The following ERO1B variants were observed in gnomAD, a reference collection of about 807,000 sequenced individuals.
The protein encoded by ERO1B is ERO1-like protein beta.
In ERO1B, 49 loss-of-function variants were observed where a neutral mutation model predicts 75.3. The observed-to-expected ratio is 0.65, with a 90% CI of 0.52 to 0.83. The LOEUF (loss-of-function observed/expected upper bound fraction) is 0.83, where lower values mean the gene tolerates loss of function less well. ERO1B is among the 40% of genes least tolerant of loss of function. The pLI is 0.00. For missense variants in ERO1B, 512 were observed against 560.1 expected (o/e 0.91, Z 0.87); for synonymous variants, 191 against 192.9 (o/e 0.99, Z 0.08).
intron 14 of ERO1B, 106 bp from the exon 15 acceptor site, chr1:236,221,071 T>C: frequency 1.2e-6 from 1 of 837,548 alleles, no homozygotes; most frequent in Non-Finnish European, 1.7e-6. Context: ...GAAATTCATA[T>C]GAACTGAGCT....
chr1:236,243,438 G>C lies in ERO1B; in HGVS notation c.489C>G (p.His163Gln). The C allele has an allele frequency of 1.2e-6, 2 of 1,602,212 alleles. No homozygotes were observed. Among genetic ancestry groups the C allele is most frequent in the Non-Finnish European group, 1.7e-6 (2 of 1,173,212 alleles). Residue 163 changes from histidine to glutamine, a missense_variant, in exon 6 of 16, where the codon CAC becomes CAG. By Grantham distance (24) the His-to-Gln change is conservative (BLOSUM62 0). Transcript: ENST00000354619. ...TTGTATTACCATCAAGTTCACAAAA[G>C]TGATCCCGTGAATCATCATATCTTG... The part of the protein sequence containing the change: ...DWARYDDSRD[H>Q]FCELDDERSP...
intron 1 of ERO1B, among the ~76,000 whole-genome samples, chr1:236,271,950 T>G (rs1268977104): frequency 6.6e-6 from 1 of 152,154 alleles, no homozygotes; most frequent in East Asian, 1.9e-4. Context: ...AAAGTTGCCA[T>G]GTACATATTT....
intron 9 of ERO1B, among the ~76,000 whole-genome samples, chr1:236,230,688 T>C (rs962295041): frequency 1.5e-5 from 2 of 134,448 alleles, no homozygotes; most frequent in Admixed American, 7.5e-5. Context: ...TCAGGTAAAA[T>C]AGAAAAATAA....
intron 10 of ERO1B, among the ~76,000 whole-genome samples, chr1:236,228,494 C>T (rs3768095): frequency 0.068 from 10,397 of 152,194 alleles, 749 homozygotes; most frequent in East Asian, 0.39. Flanking sequence ...TCTGAAGTGA[C>T]ATCTGCAAAA....
intron 1 of ERO1B, among the ~76,000 whole-genome samples, chr1:236,271,116 A>G (rs887116441): frequency 2.0e-5 from 3 of 152,210 alleles, no homozygotes; most frequent in Admixed American, 2.0e-4. Flanking sequence ...CTACATGTTT[A>G]CAGGATGTTA....
At chr1:236,225,033 T>G (rs755367062) in intron 13 of ERO1B, 37 bp downstream of exon 13, 46 of 1,591,708 alleles carry the variant, frequency 2.9e-5, no homozygotes, top group Middle Eastern at 1.7e-4. Flanking sequence ...ACCAGCAAAC[T>G]GCTCCCAACC....
Position 236,220,726 on chromosome 1 carries a change from T to A in ERO1B, c.1343+106A>T, listed in dbSNP as rs980644063. ...TTAGTACAGATACAATATAAAATTT[T>A]TTTTTGTCAACAAAACAAACCCTAC... is the stretch of plus-strand genomic sequence containing the variant. On this transcript the variant is annotated intron_variant, in intron 15 of 15. Coordinates refer to ENST00000354619, the MANE Select transcript of ERO1B (RefSeq NM_019891.4). 5 of 1,251,556 alleles carry A rather than the reference T, an allele frequency of 4.0e-6. No homozygotes were observed. The African/African-American group carries it at 7.7e-5, about 19-fold the overall frequency. 77.5% of individuals were successfully genotyped at this position (1,251,556 alleles called of 1,614,324 possible). A position where few individuals can be genotyped will look rare whatever the true frequency, so the allele number is the denominator to read the frequency against.
At chr1:236,230,283 A>G (rs773176480) in intron 9 of ERO1B, 33 bp from the exon 10 acceptor site, 5 of 1,537,094 alleles carry the variant, frequency 3.3e-6, no homozygotes, top group Non-Finnish European at 2.7e-6. Context: ...TTAAAACATT[A>G]TATGGTCATT....
Position 236,269,937 on chromosome 1 carries a change from T to C in ERO1B, c.160A>G (p.Thr54Ala), listed in dbSNP as rs1156565071. Residue 54 changes from threonine (T) to alanine (A), a missense_variant, in exon 2 of 16, where the codon ACC becomes GCC. By Grantham distance (58) the Thr-to-Ala change is moderately conservative. Transcript: ENST00000354619. ...CDIDSIDNFN[T>A]YKIFPKIKKL... ...TTTATTTTGGGGAAGATTTTGTAGG[T>C]ATTGAAGTTATCGATGCTGTCAATA... 1.2e-6 allele frequency: 2 copies of C among 1,604,446 alleles called. No homozygotes were observed.
chr1:236,268,122 AC>A (rs1386893351), intron 2 of ERO1B, among the ~76,000 whole-genome samples: 1 of 152,210 alleles, frequency 6.6e-6, no homozygotes, highest in Non-Finnish European at 1.5e-5. Flanking sequence ...AACATACATC[AC>A]CTTTTTTGGA....
chr1:236,216,580 A>G lies in ERO1B; in HGVS notation c.*1936T>C, dbSNP rs1313373039. The stretch of plus-strand genomic sequence containing the variant: ...CTTTTAATTTCCTAGAACATACTCT[A>G]ATATACTAGTTTTCCTAAGCTTGAA... On this transcript the variant is annotated 3_prime_UTR_variant, in exon 16 of 16. Coordinates refer to ENST00000354619, the MANE Select transcript of ERO1B (RefSeq NM_019891.4). The G allele has an allele frequency of 6.6e-6, 1 of 152,122 alleles. No homozygotes were observed. Among genetic ancestry groups the G allele is most frequent in the Non-Finnish European group, 1.5e-5 (1 of 67,980 alleles). The allele number at this position is 152,122 out of a possible 1,614,324, so 9.4% of individuals were successfully genotyped here.
chr1:236,253,339 T>C (rs1665084054), intron 3 of ERO1B, 83 bp downstream of exon 3: 1 of 795,576 alleles, frequency 1.3e-6, no homozygotes, highest in Non-Finnish European at 2.1e-6. Context: ...TCCATTGACA[T>C]TAGCCTGAAA....
chr1:236,239,315 C>T (rs1664623812), intron 6 of ERO1B, among the ~76,000 whole-genome samples: 1 of 152,144 alleles, frequency 6.6e-6, no homozygotes, highest in South Asian at 2.1e-4. Flanking sequence ...GGAACACAGC[C>T]ATGTTCATTT....
At chr1:236,268,337 G>A (rs1169947507) in intron 2 of ERO1B, among the ~76,000 whole-genome samples, 1 of 152,148 alleles carries the variant, frequency 6.6e-6, no homozygotes, top group Non-Finnish European at 1.5e-5. Flanking sequence ...CTACTCGGGA[G>A]GCTGAGGCAG....
rs1447584195 is a variant in ERO1B at position 236,217,271 on chromosome 1, TCTG to T, written c.*1242_*1244del. 1 of 152,112 alleles carries T rather than the reference TCTG, an allele frequency of 6.6e-6. No homozygotes were observed. The highest frequency in any genetic ancestry group is 1.5e-5 in the Non-Finnish European group (1 of 67,978). The allele number at this position is 152,112 out of a possible 1,614,324, so 9.4% of individuals were successfully genotyped here. On this transcript the variant is annotated 3_prime_UTR_variant, in exon 16 of 16. Transcript: ENST00000354619. ...CACAGATGCAATCTTCCAAATTGTATCTGCTGACATTTAAAAAAAATCAAGATT... is the reference window on the plus strand; with the variant it reads ...CACAGATGCAATCTTCCAAATTGTATCTGACATTTAAAAAAAATCAAGATT...
rs558966432 is a variant in ERO1B, at chr1:236,236,576, A to C, written c.506-178T>G. ...TGACTGTACTTGATGCAAGATTTGT[A>C]ATAACTTGGACAAATTCCTTAAGAG... On this transcript the variant is annotated intron_variant, in intron 6 of 15. Transcript: ENST00000354619. Among the ~76,000 whole-genome samples, 6 of 152,092 alleles carry C rather than the reference A, an allele frequency of 3.9e-5. No homozygotes were observed. The South Asian group carries it at 8.3e-4, about 21-fold the overall frequency.
At chr1:236,275,344 T>C (rs1427323973) in intron 1 of ERO1B, among the ~76,000 whole-genome samples, 1 of 152,230 alleles carries the variant, frequency 6.6e-6, no homozygotes, top group Non-Finnish European at 1.5e-5. Flanking sequence ...GCAGGTTTGA[T>C]AATTTGCCAG....
At chr1:236,260,258 T>C (rs1419793353) in intron 2 of ERO1B, among the ~76,000 whole-genome samples, 1 of 152,154 alleles carries the variant, frequency 6.6e-6, no homozygotes, top group African/African-American at 2.4e-5. Flanking sequence ...GAAATGAAGA[T>C]ATTACTAGAA....
chr1:236,243,488 TTTGA>T lies in ERO1B; in HGVS notation c.435_438del (p.Asn145LysfsTer33). 6.2e-7 allele frequency: 1 copy of T among 1,601,428 alleles called. No homozygotes were observed. ...GCCCAGTCAATGAAAGCTTCTTTGC[TTTGA>T]TTACTATGGGAAGGAGGAATAAAAA... On this transcript the variant is annotated frameshift_variant, in exon 6 of 16. Transcript: ENST00000354619. LOFTEE classifies it high-confidence loss of function.
Sources: allele counts gnomAD v4.1 joint callset (sites outside exome capture counted in the v4.1 genomes callset), GRCh38; gene constraint gnomAD v4.1.1; transcripts MANE v1.5; gene names NCBI Gene and HGNC (gene_info 2026-07-23, HGNC 2026-07-21).